The following RTN3 variants were observed in gnomAD, a reference collection of about 807,000 sequenced individuals.
The protein encoded by RTN3 is reticulon-3.
In RTN3, 49 loss-of-function variants were observed where a neutral mutation model predicts 77.8. That is an observed-to-expected ratio of 0.63 (90% CI 0.50 to 0.80). The LOEUF is 0.80. RTN3 is among the 30% of genes least tolerant of loss of function. The pLI is 0.00. For missense variants in RTN3, 1,236 were observed against 1,211.9 expected (o/e 1.02, Z -0.29); for synonymous variants, 464 against 446.9 (o/e 1.04, Z -0.48).
rs756224727 is a variant in RTN3 at position 63,720,967 on chromosome 11, C to G, written c.2465C>G (p.Ser822Cys). 3 of 1,613,712 alleles carry G rather than the reference C, an allele frequency of 1.9e-6. No individual in the cohort carries two copies. In the South Asian group the frequency reaches 3.3e-5, roughly 18 times the overall value. ...GAAACTACTAGGGTAGATGCTGTTTCCAGCCTTAGCAAGACTGAATTGGTA... is the reference window on the plus strand; with the variant it reads ...GAAACTACTAGGGTAGATGCTGTTTGCAGCCTTAGCAAGACTGAATTGGTA... ...IRETTRVDAV[S>C]SLSKTELVKK... Residue 822 changes from serine to cysteine, a missense_variant, in exon 3 of 9, where the codon TCC (serine) becomes TGC (cysteine). Ser to Cys is a moderately radical substitution (Grantham distance 112). This residue lies in a region of RTN3 where 1,056 missense variants were observed against 990.4 expected (regional missense o/e 1.07). Transcript: ENST00000377819.
intron 2 of RTN3, among the ~76,000 whole-genome samples, chr11:63,716,138 T>C (rs956654292): frequency 7.2e-5 from 11 of 152,242 alleles, no homozygotes; most frequent in African/African-American, 2.7e-4. Context: ...ATTACAGTTA[T>C]ACTATTTCTA....
At chr11:63,684,050 C>G (rs1941219864) in intron 1 of RTN3, among the ~76,000 whole-genome samples, 1 of 129,316 alleles carries the variant, frequency 7.7e-6, no homozygotes, top group African/African-American at 2.9e-5. Flanking sequence ...CTCCGGGGTT[C>G]AAATGATTCT....
At chr11:63,726,267 G>T (rs1252852991) in intron 3 of RTN3, among the ~76,000 whole-genome samples, 1 of 152,206 alleles carries the variant, frequency 6.6e-6, no homozygotes, top group Non-Finnish European at 1.5e-5. Flanking sequence ...GTTGACACAT[G>T]TAAGAAGAGA....
chr11:63,687,393 G>A (rs985960584), intron 1 of RTN3, among the ~76,000 whole-genome samples: 5 of 152,170 alleles, frequency 3.3e-5, no homozygotes. Flanking sequence ...AAGGCGGGTG[G>A]ATCATCTGAG....
intron 2 of RTN3, among the ~76,000 whole-genome samples, chr11:63,711,390 T>A (rs945506081): frequency 6.6e-6 from 1 of 151,662 alleles, no homozygotes; most frequent in Admixed American, 6.6e-5. Context: ...TTTTATTTTT[T>A]TTTTGTTATT....
At chr11:63,742,310 G>T (rs2013533944) in intron 3 of RTN3, among the ~76,000 whole-genome samples, 1 of 150,210 alleles carries the variant, frequency 6.7e-6, no homozygotes, top group South Asian at 2.1e-4. Context: ...ATTTGAATTT[G>T]CATAGGAATT....
In RTN3 at chr11:63,758,362, C is replaced by T; in HGVS notation, c.*161C>T. On this transcript the variant is annotated 3_prime_UTR_variant, in exon 9 of 9. Transcript: ENST00000377819. ...TCTCCCATCCTTTCCCTTTAACCCT[C>T]AGTATCAAGCACAAAAATTGATGGA... The T allele has an allele frequency of 2.5e-6, 4 of 1,591,616 alleles. No individual in the cohort carries two copies. The South Asian group carries it at 3.5e-5, about 14-fold the overall frequency.
intron 4 of RTN3, among the ~76,000 whole-genome samples, chr11:63,751,587 C>T (rs1251478897): frequency 1.3e-5 from 2 of 152,110 alleles, no homozygotes; most frequent in African/African-American, 4.8e-5. Flanking sequence ...GGAGACCCTG[C>T]TGTGACCTCT....
intron 3 of RTN3, among the ~76,000 whole-genome samples, chr11:63,745,798 A>G (rs139275690): frequency 3.0e-4 from 46 of 152,226 alleles, no homozygotes; most frequent in Middle Eastern, 3.4e-3. Context: ...AGACAGGGTG[A>G]CTTTTTCTAG....
intron 3 of RTN3, among the ~76,000 whole-genome samples, chr11:63,725,788 A>G (rs2012219946): frequency 6.6e-6 from 1 of 152,146 alleles, no homozygotes; most frequent in Non-Finnish European, 1.5e-5. Context: ...GTTTTTACAC[A>G]TATGTGACTA....
At chr11:63,705,451 C>T (rs941628907) in intron 2 of RTN3, among the ~76,000 whole-genome samples, 8 of 152,098 alleles carry the variant, frequency 5.3e-5, no homozygotes. Context: ...CTGCACTCCC[C>T]GCTGGGTGAG....
chr11:63,716,968 C>CAAAAAAAAAAA (rs752428943), intron 2 of RTN3, among the ~76,000 whole-genome samples: 2 of 27,212 alleles, frequency 7.3e-5, no homozygotes, highest in Admixed American at 4.3e-4. Flanking sequence ...GACTCCGTCT[C>CAAAAAAAAAAA]AAAAAAAAAA....
intron 5 of RTN3, among the ~76,000 whole-genome samples, 190 bp from the exon 6 acceptor site, chr11:63,752,879 C>T (rs2014179128): frequency 6.6e-6 from 1 of 152,132 alleles, no homozygotes; most frequent in Admixed American, 6.6e-5. Context: ...CTTTGGACCT[C>T]AGAAAACTAC....
intron 7 of RTN3, among the ~76,000 whole-genome samples, chr11:63,754,925 C>CAAAAAA (rs373589429): frequency 1.0e-5 from 1 of 96,908 alleles, no homozygotes; most frequent in Admixed American, 1.4e-4. Context: ...GACTCTGTCT[C>CAAAAAA]AAAAAAAAAA....
intron 3 of RTN3, among the ~76,000 whole-genome samples, chr11:63,726,526 A>C (rs2012275253): frequency 1.3e-5 from 2 of 152,192 alleles, no homozygotes; most frequent in South Asian, 2.1e-4. Flanking sequence ...ATTGTAAACC[A>C]CACTTAACAC....
rs755905400 is a variant in RTN3 at position 63,753,686 on chromosome 11, C to T, written c.2972C>T (p.Pro991Leu). 4 of 1,613,610 alleles carry T rather than the reference C, an allele frequency of 2.5e-6. No individual in the cohort carries two copies. The highest frequency in any genetic ancestry group is 1.7e-4 in the Middle Eastern group (1 of 6,060). ...GCTGAACTGCTCATTTTCAGTGTCC[C>T]GATTGTCTATGAGAAGTACAAGGTA... is the stretch of plus-strand genomic sequence containing the variant. ...ILAELLIFSV[P>L]IVYEKYKTQI... Residue 991 changes from proline (P) to leucine (L), a missense_variant, in exon 7 of 9, where the codon CCG (proline) becomes CTG (leucine). Coordinates refer to ENST00000377819, the MANE Select transcript of RTN3 (RefSeq NM_001265589.2).
chr11:63,704,158 A>C (rs1368674375), intron 1 of RTN3, among the ~76,000 whole-genome samples: 1 of 151,720 alleles, frequency 6.6e-6, no homozygotes, highest in Admixed American at 6.6e-5. Context: ...GTGCACTGCC[A>C]CGCCTGGCTA....
In RTN3 at chr11:63,692,057, CTG is replaced by C. The variant is rs1941689080; in HGVS notation, c.142+10281_142+10282del. On this transcript the variant is annotated intron_variant, in intron 1 of 8. Transcript: ENST00000377819. ...ACCATACTGGCCTCTTTGTCTCACTCTGTTGCCCAGGCTGGAGTGCAGTGGCG... is the reference window on the plus strand; with the variant it reads ...ACCATACTGGCCTCTTTGTCTCACTCTTGCCCAGGCTGGAGTGCAGTGGCG... Among the ~76,000 whole-genome samples the C allele has an allele frequency of 3.3e-5, 5 of 152,236 alleles. No individual in the cohort carries two copies. In the South Asian group the frequency reaches 1.0e-3, roughly 32 times the overall value.
intron 2 of RTN3, among the ~76,000 whole-genome samples, chr11:63,711,398 AT>A (rs140899655): frequency 7.4e-6 from 1 of 135,810 alleles, no homozygotes. Flanking sequence ...TTTTTTTGTT[AT>A]TTTTTTTTGA....
Sources: allele counts gnomAD v4.1 joint callset (sites outside exome capture counted in the v4.1 genomes callset), GRCh38; gene constraint gnomAD v4.1.1; regional missense constraint gnomAD v4.1.1; transcripts MANE v1.5; gene names NCBI Gene and HGNC (gene_info 2026-07-23, HGNC 2026-07-21).